FSTL5: variants seen among roughly 807,000 people sequenced by gnomAD.
FSTL5 encodes the protein follistatin like 5.
Under a neutral mutation model 89.1 loss-of-function variants are expected in FSTL5, and 62 were observed. The ratio of observed to expected loss-of-function variants is 0.70; its 90% CI spans 0.57 to 0.86. The LOEUF is 0.86. Ranked by LOEUF, FSTL5 falls within the 40% of genes least tolerant of loss-of-function variation. FSTL5 has a pLI of 0.00. For missense variants in FSTL5, 1,057 were observed against 1,001.6 expected, an observed-to-expected ratio of 1.06 and a Z score of -0.75; for synonymous variants, 383 against 346.2, an observed-to-expected ratio of 1.11 and a Z score of -1.18.
chr4:161,752,161 T>G, intron 6 of FSTL5, among the ~76,000 whole-genome samples: 1 of 151,910 alleles, frequency 6.6e-6, no homozygotes, highest in South Asian at 2.1e-4. Context: ...ATCAGTACAC[T>G]TGAACAAAGT....
chr4:161,720,338 T>C (rs910758875), intron 6 of FSTL5, among the ~76,000 whole-genome samples: 1 of 152,010 alleles, frequency 6.6e-6, no homozygotes, highest in Non-Finnish European at 1.5e-5. Context: ...CCTGTTACGA[T>C]AGCATTATTT....
intron 6 of FSTL5, among the ~76,000 whole-genome samples, chr4:161,759,160 A>G (rs1740690395): frequency 6.6e-6 from 1 of 152,216 alleles, no homozygotes; most frequent in Admixed American, 6.5e-5. Context: ...TGAGGAACTA[A>G]TGTCTTAAAC....
chr4:162,111,368 A>C lies in FSTL5; in HGVS notation c.29T>G (p.Val10Gly). ...CGACTCCAGAAAAATGAATCCGAGA[A>C]CCAAGACAACTGACCAGCACTTAAA... is the stretch of plus-strand genomic sequence containing the variant. MFKCWSVVL[V>G]LGFIFLESEG... Residue 10 changes from valine (V) to glycine (G), a missense_variant, in exon 2 of 16, where the codon GTT (valine) becomes GGT (glycine). Val to Gly is a moderately radical substitution (Grantham distance 109). Transcript: ENST00000306100. The C allele has an allele frequency of 6.2e-7, 1 of 1,612,652 alleles. No homozygotes were observed. Among genetic ancestry groups the C allele is most frequent in the Non-Finnish European group, 8.5e-7 (1 of 1,178,998 alleles).
intron 2 of FSTL5, among the ~76,000 whole-genome samples, chr4:162,066,846 G>T (rs987009729): frequency 1.3e-5 from 2 of 151,904 alleles, no homozygotes; most frequent in Non-Finnish European, 2.9e-5. Context: ...TGGGCATTTG[G>T]GTTGGTTCCA....
chr4:162,033,544 T>C, intron 3 of FSTL5, 81 bp downstream of exon 3: 1 of 718,074 alleles, frequency 1.4e-6, no homozygotes, highest in Non-Finnish European at 2.3e-6. Flanking sequence ...TTTTGACTTT[T>C]TATTCAAAGT....
chr4:161,750,236 G>C (rs1223634835), intron 6 of FSTL5, among the ~76,000 whole-genome samples: 5 of 152,110 alleles, frequency 3.3e-5, no homozygotes, highest in East Asian at 3.8e-4. Flanking sequence ...ATTTTAGATA[G>C]AGAAGTCATT....
chr4:161,417,845 G>A (rs1314952599), intron 15 of FSTL5, among the ~76,000 whole-genome samples: 1 of 152,198 alleles, frequency 6.6e-6, no homozygotes, highest in Non-Finnish European at 1.5e-5. Context: ...TTGGCACCAT[G>A]TACTTGGTGT....
intron 15 of FSTL5, among the ~76,000 whole-genome samples, chr4:161,423,284 T>C (rs1010416553): frequency 6.6e-6 from 1 of 152,216 alleles, no homozygotes; most frequent in Non-Finnish European, 1.5e-5. Context: ...TTTAAAGGTT[T>C]CCTGGAAATA....
chr4:161,609,671 A>C (rs1560977399), intron 7 of FSTL5, among the ~76,000 whole-genome samples: 1 of 151,868 alleles, frequency 6.6e-6, no homozygotes, highest in Non-Finnish European at 1.5e-5. Context: ...CAGTTTCATG[A>C]GTACTGGAAG....
intron 10 of FSTL5, among the ~76,000 whole-genome samples, chr4:161,511,073 T>C (rs1730636966): frequency 6.6e-6 from 1 of 152,120 alleles, no homozygotes; most frequent in African/African-American, 2.4e-5. Context: ...TATATTAAGA[T>C]AGAAATTAAG....
At chr4:161,900,638 CAAAA>C (rs58702301) in intron 4 of FSTL5, among the ~76,000 whole-genome samples, 698 of 65,270 alleles carry the variant, frequency 0.011, 7 homozygotes, top group Non-Finnish European at 0.016. Context: ...GACTCCATCT[CAAAA>C]AAAAAAAAAA....
chr4:161,849,528 TAC>T (rs35353090), intron 4 of FSTL5, among the ~76,000 whole-genome samples: 15,343 of 147,252 alleles, frequency 0.1, 981 homozygotes, highest in Non-Finnish European at 0.14. Flanking sequence ...GCCCTCGACC[TAC>T]ACACACACAC....
chr4:161,969,792 T>C (rs2111009783), intron 3 of FSTL5, among the ~76,000 whole-genome samples: 1 of 152,100 alleles, frequency 6.6e-6, no homozygotes, highest in South Asian at 2.1e-4. Flanking sequence ...AGGAACCAAT[T>C]TGTGACCCCA....
intron 3 of FSTL5, among the ~76,000 whole-genome samples, chr4:161,953,997 T>C (rs1417775082): frequency 6.6e-6 from 1 of 151,648 alleles, no homozygotes; most frequent in Non-Finnish European, 1.5e-5. Context: ...AGATATTATA[T>C]GCTAAATGGA....
intron 2 of FSTL5, among the ~76,000 whole-genome samples, chr4:162,088,877 T>C (rs761629515): frequency 1.8e-4 from 27 of 152,138 alleles, no homozygotes; most frequent in Non-Finnish European, 3.2e-4. Flanking sequence ...GGGGTGTCAA[T>C]GCATTTCTAA....
intron 3 of FSTL5, among the ~76,000 whole-genome samples, chr4:161,983,168 A>C (rs1477025348): frequency 6.6e-6 from 1 of 152,198 alleles, no homozygotes; most frequent in African/African-American, 2.4e-5. Context: ...AGGAAACCAT[A>C]TGTCATTCAC....
intron 7 of FSTL5, among the ~76,000 whole-genome samples, chr4:161,611,852 A>T (rs565757758): frequency 1.3e-5 from 2 of 152,354 alleles, no homozygotes; most frequent in Admixed American, 1.3e-4. Flanking sequence ...AAGGCCCTCC[A>T]AACTCTAATC....
Position 161,729,690 on chromosome 4 carries a change from A to C in FSTL5, c.727+29721T>G, listed in dbSNP as rs150573878. ...AAGACACTACCTCCCTCAGCTTTGA[A>C]ATAAAGCAAGCAAAATCTGACCCTT... On this transcript the variant is annotated intron_variant, in intron 6 of 15. Transcript: ENST00000306100. 6.8e-4 allele frequency among the ~76,000 whole-genome samples: 104 copies of C among 152,338 alleles called. No homozygotes were observed. In the East Asian group the frequency reaches 0.019, roughly 28 times the overall value.
chr4:161,999,871 G>T (rs1274949810), intron 3 of FSTL5, among the ~76,000 whole-genome samples: 1 of 152,156 alleles, frequency 6.6e-6, no homozygotes, highest in Non-Finnish European at 1.5e-5. Flanking sequence ...CTCTTCAAAA[G>T]TTAGAAAAGA....
Sources: gnomAD v4.1 joint callset for allele counts (sites outside exome capture counted in the v4.1 genomes callset) on GRCh38, gnomAD v4.1.1 for gene constraint, MANE v1.5 for transcripts, NCBI Gene and HGNC (gene_info 2026-07-23, HGNC 2026-07-21) for gene names.